The following SMG8 variants were observed in gnomAD, a reference collection of about 807,000 sequenced individuals.
SMG8 encodes the protein nonsense-mediated mRNA decay factor SMG8.
In SMG8, 49 loss-of-function variants were observed where a neutral mutation model predicts 82.1. The ratio of observed to expected loss-of-function variants is 0.60; its 90% CI spans 0.47 to 0.76. The LOEUF is 0.76. Among genes scored for constraint, SMG8 ranks in the 30% least tolerant of loss-of-function variants. The pLI, the probability that SMG8 is intolerant of heterozygous loss-of-function variation, is 0.00. For synonymous variants in SMG8, 404 were observed against 430.0 expected (o/e 0.94, Z 0.75); for missense variants, 969 against 1,166.4 (o/e 0.83, Z 2.46).
At position 59,210,464 on chromosome 17, in the gene SMG8, T is replaced by A; in HGVS notation, c.413T>A (p.Leu138Gln). 1 of 1,601,130 alleles carries A rather than the reference T, an allele frequency of 6.2e-7. No homozygotes were observed. Among genetic ancestry groups the A allele is most frequent in the Non-Finnish European group, 8.5e-7 (1 of 1,175,006 alleles). Residue 138 changes from leucine (L) to glutamine (Q), a missense_variant, in exon 1 of 4, where the codon CTG (leucine) becomes CAG (glutamine). Leu to Gln is a moderately radical substitution (Grantham distance 113). This residue lies in a region of SMG8 where 206 missense variants were observed against 190.5 expected (regional missense o/e 1.08). Coordinates refer to ENST00000300917, the MANE Select transcript of SMG8 (RefSeq NM_018149.7). ...GCAGGCTCCCAGGACTACAGCCTTC[T>A]GCAGGCCTACTACAGTCAGGAAAGC... ...TEAGSQDYSL[L>Q]QAYYSQESKV... is the part of the protein sequence containing the mutation.
Position 59,210,067 on chromosome 17 carries a change from A to T in SMG8, c.16A>T (p.Ser6Cys). MAGPV[S>C]LRDLLMGASA... ...GCTCTGCACTATGGCTGGTCCCGTG[A>T]GCTTGCGAGACCTTCTAATGGGAGC... The change falls in exon 1 of 4, where the codon AGC becomes TGC. Residue 6 changes from serine to cysteine, a missense_variant. This residue lies in a region of SMG8 where 206 missense variants were observed against 190.5 expected (regional missense o/e 1.08). Coordinates refer to ENST00000300917, the MANE Select transcript of SMG8 (RefSeq NM_018149.7). 6.4e-7 allele frequency: 1 copy of T among 1,563,586 alleles called. No homozygotes were observed. The highest frequency in any genetic ancestry group is 8.6e-7 in the Non-Finnish European group (1 of 1,159,696).
At chr17:59,212,090 TGGA>T (rs1406986441) in intron 1 of SMG8, 3 of 425,404 alleles carry the variant, frequency 7.1e-6, no homozygotes, top group African/African-American at 2.0e-5. Context: ...CACTTTGCCT[TGGA>T]GGATTTGTAG....
Position 59,215,109 on chromosome 17 carries a change from G to T in SMG8, c.*107G>T. On this transcript the variant is annotated 3_prime_UTR_variant, in exon 4 of 4. Transcript: ENST00000300917. The stretch of plus-strand genomic sequence containing the variant: ...CTGTGTTTTCCCAAATCCAAAATGT[G>T]TTTTGGTTACAGGAGTTCAGTATTT... The T allele has an allele frequency of 1.4e-6, 1 of 699,564 alleles. No homozygotes were observed. The highest frequency in any genetic ancestry group is 3.4e-4 in the Middle Eastern group (1 of 2,924). The allele number at this position is 699,564 out of a possible 1,614,324, so 43.3% of individuals were successfully genotyped here. A position where few individuals can be genotyped will look rare whatever the true frequency, so the allele number is the denominator to read the frequency against.
In SMG8 at chr17:59,210,213, C is replaced by T; in HGVS notation, c.162C>T (p.Gly54=). The T allele has an allele frequency of 1.9e-6, 3 of 1,602,998 alleles. No individual in the cohort carries two copies. The highest frequency in any genetic ancestry group is 2.6e-6 in the Non-Finnish European group (3 of 1,174,652). Residue 54 remains glycine (G), a synonymous_variant, in exon 1 of 4, where the codon GGC becomes GGT. Transcript: ENST00000300917. ...AGATCTGCGTTGTGGGAATCTTCGGCAAGACGGCTCTACGCCTGAATTCCG... is the reference window on the plus strand; with the variant it reads ...AGATCTGCGTTGTGGGAATCTTCGGTAAGACGGCTCTACGCCTGAATTCCG... ...EDEICVVGIF[G]KTALRLNSEK...
chr17:59,214,977 G>A lies in SMG8; in HGVS notation c.2951G>A (p.Gly984Glu). Residue 984 changes from glycine (G) to glutamate (E), a missense_variant, in exon 4 of 4, where the codon GGG becomes GAG. This residue lies in a region of SMG8 where 101 missense variants were observed against 91.1 expected (regional missense o/e 1.11). Coordinates refer to ENST00000300917, the MANE Select transcript of SMG8 (RefSeq NM_018149.7). ...TTAATGAGCTACAAGGTGCTCCGTG[G>A]GGTTCTTAAGGCAGTAACACAATAA... ...VQLMSYKVLR[G>E]VLKAVTQ 1 of 872,818 alleles carries A rather than the reference G, an allele frequency of 1.1e-6. No homozygotes were observed. The highest frequency in any genetic ancestry group is 1.6e-5 in the African/African-American group (1 of 61,398). The allele number at this position is 872,818 out of a possible 1,614,324, so 54.1% of individuals were successfully genotyped here. A position where few individuals can be genotyped will look rare whatever the true frequency, so the allele number is the denominator to read the frequency against.
rs149064796 is a variant in SMG8 at position 59,210,098 on chromosome 17, C to T, written c.47C>T (p.Ala16Val). 4.0e-5 allele frequency: 64 copies of T among 1,583,720 alleles called. No homozygotes were observed. In the African/African-American group the frequency reaches 7.5e-4, roughly 18 times the overall value. The change falls in exon 1 of 4, where the codon GCC (alanine) becomes GTC (valine). Residue 16 changes from alanine to valine, a missense_variant. By Grantham distance (64) the Ala-to-Val change is moderately conservative. Around this residue, in one of 3 missense-constraint regions of SMG8, gnomAD observed 206 missense variants for 190.5 expected, o/e 1.08. Coordinates refer to ENST00000300917, the MANE Select transcript of SMG8 (RefSeq NM_018149.7). ...CGAGACCTTCTAATGGGAGCATCAG[C>T]CTGGATGGGCTCTGAAAGTCCCGGA... is the stretch of plus-strand genomic sequence containing the variant. ...SLRDLLMGAS[A>V]WMGSESPGGS...
chr17:59,212,072 CATA>C, intron 1 of SMG8: 1 of 424,650 alleles, frequency 2.4e-6, no homozygotes, highest in East Asian at 3.5e-5. Context: ...TCAGACATCT[CATA>C]TTAACACTTT....
chr17:59,214,646 A>G (rs574139672), intron 3 of SMG8, among the ~76,000 whole-genome samples, 159 bp from the exon 4 acceptor site: 5 of 152,172 alleles, frequency 3.3e-5, no homozygotes, highest in African/African-American at 1.2e-4. Context: ...TGACCTCGTG[A>G]TTCACCTGCC....
At position 59,213,046 on chromosome 17, in the gene SMG8, A is replaced by G; in HGVS notation, c.2223A>G (p.Ala741=). 6.2e-7 allele frequency: 1 copy of G among 1,614,212 alleles called. No homozygotes were observed. Among genetic ancestry groups the G allele is most frequent in the South Asian group, 1.1e-5 (1 of 91,090 alleles). The change falls in exon 3 of 4, where the codon GCA becomes GCG. Residue 741 remains alanine (A), a synonymous_variant. Transcript: ENST00000300917. ...EKRPNFVDRQ[A]STVEYLPGML... Reference sequence around the variant, plus strand: ...GGCCAAACTTCGTTGATCGACAGGCATCCACAGTTGAGTATCTCCCAGGCA... The same window carrying G: ...GGCCAAACTTCGTTGATCGACAGGCGTCCACAGTTGAGTATCTCCCAGGCA...
At position 59,211,509 on chromosome 17, in the gene SMG8, AG is replaced by A. The variant is rs2046945733; in HGVS notation, c.1460del (p.Gly487AspfsTer35). ...KILSSIKVLE[G>X]FLDIDTKFSE... The stretch of plus-strand genomic sequence containing the variant: ...TTTTAAGCAGTATTAAAGTCTTGGA[AG>A]GATTTTTGGATATTGACACAAAATT... On this transcript the variant is annotated frameshift_variant, in exon 1 of 4. Transcript: ENST00000300917. LOFTEE classifies it high-confidence loss of function. The A allele has an allele frequency of 6.2e-7, 1 of 1,613,980 alleles. No individual in the cohort carries two copies.
intron 1 of SMG8, chr17:59,212,011 G>A: frequency 2.0e-6 from 1 of 489,116 alleles, no homozygotes; most frequent in Non-Finnish European, 3.5e-6. Context: ...TTCATTTAAA[G>A]GATACGTCCT....
Position 59,213,330 on chromosome 17 carries a change from GA to G in SMG8, c.2509del (p.Arg837AspfsTer6). 3.1e-6 allele frequency: 5 copies of G among 1,614,202 alleles called. No individual in the cohort carries two copies. The highest frequency in any genetic ancestry group is 4.2e-6 in the Non-Finnish European group (5 of 1,180,034). On this transcript the variant is annotated frameshift_variant, in exon 3 of 4. Transcript: ENST00000300917. LOFTEE classifies it high-confidence loss of function. ...GKRSAVVMGR[G>X]RRRDDIARAF... Reference sequence around the variant, plus strand: ...AGAAGTGCGGTTGTAATGGGAAGAGGAAGACGGCGAGATGACATAGCTCGAG... The same window carrying G: ...AGAAGTGCGGTTGTAATGGGAAGAGGAGACGGCGAGATGACATAGCTCGAG...
rs375060156 is a variant in SMG8 at position 59,210,099 on chromosome 17, C to T, written c.48C>T (p.Ala16=). Residue 16 remains alanine, a synonymous_variant, in exon 1 of 4, where the codon GCC becomes GCT. Coordinates refer to ENST00000300917, the MANE Select transcript of SMG8 (RefSeq NM_018149.7). ...SLRDLLMGAS[A]WMGSESPGGS... ...GAGACCTTCTAATGGGAGCATCAGC[C>T]TGGATGGGCTCTGAAAGTCCCGGAG... 1 of 1,584,186 alleles carries T rather than the reference C, an allele frequency of 6.3e-7. No homozygotes were observed. The highest frequency in any genetic ancestry group is 2.2e-5 in the East Asian group (1 of 44,724).
In SMG8 at chr17:59,212,440, G is replaced by A. The variant is rs2046949880; in HGVS notation, c.1859G>A (p.Arg620Gln). ...ACNCGRKQAP[R>Q]DDPFDIKAAN... Reference sequence around the variant, plus strand: ...AACTGTGGAAGGAAACAAGCACCTCGAGATGATCCCTTTGATATCAAAGCA... The same window carrying A: ...AACTGTGGAAGGAAACAAGCACCTCAAGATGATCCCTTTGATATCAAAGCA... The change falls in exon 2 of 4, where the codon CGA (arginine) becomes CAA (glutamine). Residue 620 changes from arginine (R) to glutamine (Q), a missense_variant. Transcript: ENST00000300917. 9.9e-6 allele frequency: 16 copies of A among 1,608,942 alleles called. No individual in the cohort carries two copies. The highest frequency in any genetic ancestry group is 1.2e-5 in the Non-Finnish European group (14 of 1,176,166).
rs770099672 is a variant in SMG8, at chr17:59,210,226, C to T, written c.175C>T (p.Arg59Cys). 67 of 1,608,166 alleles carry T rather than the reference C, an allele frequency of 4.2e-5. No individual in the cohort carries two copies. Among genetic ancestry groups the T allele is most frequent in the Non-Finnish European group, 5.4e-5 (63 of 1,177,318 alleles). The change falls in exon 1 of 4, where the codon CGC (arginine) becomes TGC (cysteine). Residue 59 changes from arginine to cysteine, a missense_variant. Physicochemically the swap from Arg to Cys is radical, Grantham distance 180 (BLOSUM62 -3). This residue lies in a region of SMG8 where 206 missense variants were observed against 190.5 expected (regional missense o/e 1.08). Transcript: ENST00000300917. ...VVGIFGKTALRLNSEKFSLVN... is the reference protein window; with the variant it reads ...VVGIFGKTALCLNSEKFSLVN... ...GGGAATCTTCGGCAAGACGGCTCTACGCCTGAATTCCGAGAAGTTCTCTCT... is the reference window on the plus strand; with the variant it reads ...GGGAATCTTCGGCAAGACGGCTCTATGCCTGAATTCCGAGAAGTTCTCTCT...
Position 59,211,247 on chromosome 17 carries a change from C to G in SMG8, c.1196C>G (p.Ser399Cys), listed in dbSNP as rs1421946244. 4 of 1,614,062 alleles carry G rather than the reference C, an allele frequency of 2.5e-6. No individual in the cohort carries two copies. The highest frequency in any genetic ancestry group is 2.2e-5 in the East Asian group (1 of 44,898). Residue 399 changes from serine (S) to cysteine (C), a missense_variant, in exon 1 of 4, where the codon TCC becomes TGC. Ser to Cys is a moderately radical substitution (Grantham distance 112). This residue lies in a region of SMG8 where 662 missense variants were observed against 884.8 expected (regional missense o/e 0.75). Transcript: ENST00000300917. ...QLSFHIDSSS[S>C]SSSGQLVDFT... is the part of the protein sequence containing the mutation. ...TCCTTTCACATTGACAGCAGCAGTT[C>G]CAGTTCTTCAGGCCAGCTAGTGGAT...
Position 59,211,758 on chromosome 17 carries a change from G to A in SMG8, c.1707G>A (p.Arg569=). 1 of 1,602,102 alleles carries A rather than the reference G, an allele frequency of 6.2e-7. No individual in the cohort carries two copies. Among genetic ancestry groups the A allele is most frequent in the Non-Finnish European group, 8.5e-7 (1 of 1,175,294 alleles). The part of the protein sequence containing the change: ...WSNGHQLCEE[R]SLTDQHCVHK... ...ATGGCCATCAGCTCTGTGAGGAGAG[G>A]AGTTTAACTGATCAACACTGTGTGC... The change falls in exon 1 of 4, where the codon AGG becomes AGA. Residue 569 remains arginine, a synonymous_variant. Transcript: ENST00000300917.
intron 3 of SMG8, among the ~76,000 whole-genome samples, chr17:59,214,551 G>C (rs1213730121): frequency 6.6e-6 from 1 of 151,900 alleles, no homozygotes; most frequent in Non-Finnish European, 1.5e-5. Context: ...CAGATTACAG[G>C]CACACGCCAC....
chr17:59,210,227 G>A lies in SMG8; in HGVS notation c.176G>A (p.Arg59His), dbSNP rs2046939103. 6.2e-7 allele frequency: 1 copy of A among 1,608,724 alleles called. No homozygotes were observed. Among genetic ancestry groups the A allele is most frequent in the Non-Finnish European group, 8.5e-7 (1 of 1,177,516 alleles). ...VVGIFGKTAL[R>H]LNSEKFSLVN... Reference sequence around the variant, plus strand: ...GGAATCTTCGGCAAGACGGCTCTACGCCTGAATTCCGAGAAGTTCTCTCTT... The same window carrying A: ...GGAATCTTCGGCAAGACGGCTCTACACCTGAATTCCGAGAAGTTCTCTCTT... The change falls in exon 1 of 4, where the codon CGC becomes CAC. Residue 59 changes from arginine (R) to histidine (H), a missense_variant. By Grantham distance (29) the Arg-to-His change is conservative. This residue lies in a region of SMG8 where 206 missense variants were observed against 190.5 expected (regional missense o/e 1.08). Transcript: ENST00000300917.
Sources: allele counts gnomAD v4.1 joint callset (sites outside exome capture counted in the v4.1 genomes callset), GRCh38; gene constraint gnomAD v4.1.1; regional missense constraint gnomAD v4.1.1; transcripts MANE v1.5; gene names NCBI Gene and HGNC (gene_info 2026-07-23, HGNC 2026-07-21).